The following PLCB1 variants were observed in gnomAD, a reference collection of about 807,000 sequenced individuals.
PLCB1 encodes the protein phospholipase C beta 1.
PLCB1 carries 46 observed loss-of-function variants against 161.8 expected under a neutral mutation model. That is an observed-to-expected ratio of 0.28 (90% CI 0.22 to 0.36). The LOEUF (loss-of-function observed/expected upper bound fraction) is 0.36, where lower values mean the gene tolerates loss of function less well. PLCB1 is among the 10% of genes least tolerant of loss of function. PLCB1 has a pLI of 1.00. For missense variants in PLCB1, 1,016 were observed against 1,472.5 expected, an observed-to-expected ratio of 0.69 and a Z score of 5.07; for synonymous variants, 517 against 503.7, an observed-to-expected ratio of 1.03 and a Z score of -0.35.
At position 8,756,849 on chromosome 20, in the gene PLCB1, CTT is replaced by C. The variant is rs1981761802; in HGVS notation, c.2524-195_2524-194del. On this transcript the variant is annotated intron_variant, in intron 23 of 31. Transcript: ENST00000338037. The stretch of plus-strand genomic sequence containing the variant: ...CATAGGTTGGTGTAAAAATTGGAGA[CTT>C]TAATACAATTAACCTCCCATAGTCA... Among the ~76,000 whole-genome samples, 6 of 152,288 alleles carry C rather than the reference CTT, an allele frequency of 3.9e-5. 1 individual carries two copies. In the South Asian group the frequency reaches 1.2e-3, roughly 32 times the overall value.
At position 8,132,583 on chromosome 20, in the gene PLCB1, C is replaced by A; in HGVS notation, c.-69C>A. On this transcript the variant is annotated 5_prime_UTR_variant, in exon 1 of 32. Transcript: ENST00000338037. The surrounding 1 kb of genome is among the most constrained non-coding windows in gnomAD (Gnocchi z 5.2). ...AGAAAGGAGCCCGCGCCCCGCGCCC[C>A]GCGCCCCGCGCACGGTCCCCAGTCC... 1 of 1,031,316 alleles carries A rather than the reference C, an allele frequency of 9.7e-7. No individual in the cohort carries two copies. The highest frequency in any genetic ancestry group is 1.3e-6 in the Non-Finnish European group (1 of 749,528). 63.9% of individuals were successfully genotyped at this position (1,031,316 alleles called of 1,614,324 possible).
At chr20:8,659,527 A>G (rs1989564068) in intron 9 of PLCB1, among the ~76,000 whole-genome samples, 1 of 152,172 alleles carries the variant, frequency 6.6e-6, no homozygotes. Context: ...CCAATTATTG[A>G]AAAGAAATCA....
intron 2 of PLCB1, among the ~76,000 whole-genome samples, chr20:8,176,747 G>C (rs2051787658): frequency 6.6e-6 from 1 of 152,118 alleles, no homozygotes; most frequent in South Asian, 2.1e-4. Context: ...TACCATTAGG[G>C]AAAATTGGGT....
chr20:8,644,828 A>G (rs1331647674), intron 4 of PLCB1, among the ~76,000 whole-genome samples: 21 of 152,206 alleles, frequency 1.4e-4, no homozygotes, highest in East Asian at 9.7e-4. Context: ...TGGGAGGTGT[A>G]CCCAACAGCT....
intron 3 of PLCB1, among the ~76,000 whole-genome samples, chr20:8,616,374 TA>T (rs1257351994): frequency 6.6e-6 from 1 of 152,212 alleles, no homozygotes; most frequent in African/African-American, 2.4e-5. Context: ...TGCTTCTTAC[TA>T]AACCCTCCTT....
intron 31 of PLCB1, among the ~76,000 whole-genome samples, chr20:8,799,974 T>C (rs143277555): frequency 2.3e-4 from 35 of 152,340 alleles, no homozygotes; most frequent in Non-Finnish European, 4.3e-4. Flanking sequence ...CTTATGGTTC[T>C]TCTGAATAGT....
intron 2 of PLCB1, among the ~76,000 whole-genome samples, chr20:8,340,343 T>C (rs1035290626): frequency 6.6e-6 from 1 of 152,242 alleles, no homozygotes; most frequent in African/African-American, 2.4e-5. Context: ...GATTCGATTT[T>C]AAGGATTACA....
chr20:8,360,553 T>C (rs1986502233), intron 2 of PLCB1, among the ~76,000 whole-genome samples: 1 of 152,214 alleles, frequency 6.6e-6, no homozygotes, highest in Non-Finnish European at 1.5e-5. Context: ...TGGTAAAATT[T>C]ACGCACTTAG....
intron 20 of PLCB1, among the ~76,000 whole-genome samples, chr20:8,738,179 A>T (rs1352716065): frequency 6.6e-6 from 1 of 152,192 alleles, no homozygotes; most frequent in East Asian, 1.9e-4. Context: ...CCTGAAAGTT[A>T]TTCTTGTTTT....
At chr20:8,414,295 T>G (rs1398406451) in intron 3 of PLCB1, among the ~76,000 whole-genome samples, 7 of 152,140 alleles carry the variant, frequency 4.6e-5, no homozygotes, top group Admixed American at 2.0e-4. Flanking sequence ...AGAGGACATA[T>G]AAGCCATATC....
At chr20:8,224,188 G>A (rs1335631503) in intron 2 of PLCB1, among the ~76,000 whole-genome samples, 3 of 152,134 alleles carry the variant, frequency 2.0e-5, no homozygotes, top group Non-Finnish European at 4.4e-5. Context: ...GGTAGATGTG[G>A]ATTTGAGTCC....
chr20:8,858,273 C>G (rs1437532648), intron 31 of PLCB1, among the ~76,000 whole-genome samples: 2 of 152,132 alleles, frequency 1.3e-5, no homozygotes, highest in African/African-American at 4.8e-5. Flanking sequence ...AATGCGGCTC[C>G]TGTGTTCATT....
chr20:8,881,528 GC>G, intron 31 of PLCB1, 93 bp from the exon 32 acceptor site: 2 of 886,276 alleles, frequency 2.3e-6, no homozygotes, highest in Non-Finnish European at 3.7e-6. Context: ...GTATTCATCA[GC>G]CCCTTTTGTA....
rs1371029553 is a variant in PLCB1 at position 8,788,525 on chromosome 20, A to C, written c.3188A>C (p.Lys1063Thr). ...AAGAAGCTCAAAGAAATCTGTGAGA[A>C]GTAAGCCCTCATTCCCATTACAATT... Reference protein sequence around the residue: ...QLKKLKEICEKEKKELKKKMD... With the variant: ...QLKKLKEICETEKKELKKKMD... Residue 1063 changes from lysine to threonine, a missense_variant and splice_region_variant, in exon 28 of 32, where the codon AAA (lysine) becomes ACA (threonine). By Grantham distance (78) the Lys-to-Thr change is moderately conservative. Around this residue, in one of 10 missense-constraint regions of PLCB1, gnomAD observed 398 missense variants for 445.4 expected, o/e 0.89. Transcript: ENST00000338037. 1.9e-6 allele frequency: 3 copies of C among 1,612,934 alleles called. No homozygotes were observed. Among genetic ancestry groups the C allele is most frequent in the Non-Finnish European group, 2.5e-6 (3 of 1,179,298 alleles).
At chr20:8,602,893 G>A (rs911764300) in intron 3 of PLCB1, among the ~76,000 whole-genome samples, 1 of 152,200 alleles carries the variant, frequency 6.6e-6, no homozygotes, top group African/African-American at 2.4e-5. Flanking sequence ...AGGAGAGCTG[G>A]TGTTCAGAGG....
intron 3 of PLCB1, among the ~76,000 whole-genome samples, chr20:8,437,481 A>G (rs1297197983): frequency 6.6e-6 from 1 of 152,250 alleles, no homozygotes; most frequent in Non-Finnish European, 1.5e-5. Flanking sequence ...CTATTGTTTT[A>G]GAAATGGTTT....
intron 2 of PLCB1, among the ~76,000 whole-genome samples, chr20:8,189,265 G>A (rs922472937): frequency 1.3e-5 from 2 of 151,058 alleles, no homozygotes; most frequent in Non-Finnish European, 3.0e-5. Flanking sequence ...AGAGTTGGGG[G>A]ATGGGTAACT....
At chr20:8,145,110 A>AT in intron 1 of PLCB1, among the ~76,000 whole-genome samples, 1 of 151,984 alleles carries the variant, frequency 6.6e-6, no homozygotes, top group East Asian at 1.9e-4. Flanking sequence ...ACGGAAATTT[A>AT]TTTTCTCACA....
At chr20:8,665,607 A>T (rs184717206) in intron 9 of PLCB1, among the ~76,000 whole-genome samples, 1 of 152,286 alleles carries the variant, frequency 6.6e-6, no homozygotes, top group Admixed American at 6.5e-5. Context: ...ATACCTTTTT[A>T]TTAAAATGGA....
Sources: allele counts gnomAD v4.1 joint callset (sites outside exome capture counted in the v4.1 genomes callset), GRCh38; gene constraint gnomAD v4.1.1; regional missense constraint gnomAD v4.1.1; non-coding constraint Gnocchi (gnomAD v3.1); transcripts MANE v1.5; gene names NCBI Gene and HGNC (gene_info 2026-07-23, HGNC 2026-07-21).